SHANK1: variants seen among roughly 807,000 people sequenced by gnomAD.
SHANK1 encodes the protein SH3 and multiple ankyrin repeat domains protein 1.
Under a neutral mutation model 165.6 loss-of-function variants are expected in SHANK1, and 35 were observed. That is an observed-to-expected ratio of 0.21 (90% confidence interval 0.16 to 0.28). The LOEUF (loss-of-function observed/expected upper bound fraction) is 0.28. Among genes scored for constraint, SHANK1 ranks in the 10% least tolerant of loss-of-function variants. The probability of loss-of-function intolerance (pLI) is 1.00; values close to 1 mark genes in which losing one functional copy is unlikely to be tolerated. For synonymous variants in SHANK1, 1,428 were observed against 1,384.8 expected, an observed-to-expected ratio of 1.03 and a Z score of -0.69; for missense variants, 2,681 against 3,036.4, an observed-to-expected ratio of 0.88 and a Z score of 2.75.
Position 50,686,318 on chromosome 19 carries a change from G to C in SHANK1, c.2496C>G (p.Thr832=). 1 of 1,607,260 alleles carries C rather than the reference G, an allele frequency of 6.2e-7. No homozygotes were observed. Among genetic ancestry groups the C allele is most frequent in the Non-Finnish European group, 8.5e-7 (1 of 1,176,422 alleles). Residue 832 remains threonine, a synonymous_variant, in exon 21 of 24, where the codon ACC becomes ACG. Transcript: ENST00000293441. This position sits in a 1 kb window ranked among gnomAD's most constrained non-coding sequence, Gnocchi z 5.7. ...LDEILAAAQQ[T]ISASESPGPG... ...GACCAGGGCTTTCGCTTGCACTGAT[G>C]GTCTGTTGAGCTGCGGCCAGGATTT... is the stretch of plus-strand genomic sequence containing the variant.
In SHANK1 at chr19:50,670,144, A is replaced by G. The variant is rs1252181271; in HGVS notation, c.2675-859T>C. On this transcript the variant is annotated intron_variant, in intron 22 of 23. Coordinates refer to ENST00000293441, the MANE Select transcript of SHANK1 (RefSeq NM_016148.5). The surrounding 1 kb of genome is among the most constrained non-coding windows in gnomAD (Gnocchi z 4.1). ...GGCATCTCAGACTCCAAACGCTCCA[A>G]CCCAAGCTCCTGATCTCCTCACCAA... Among the ~76,000 whole-genome samples the G allele has an allele frequency of 1.3e-5, 2 of 151,804 alleles. No homozygotes were observed. The highest frequency in any genetic ancestry group is 6.6e-5 in the Admixed American group (1 of 15,226).
chr19:50,691,401 C>A (rs1355354159), intron 15 of SHANK1, among the ~76,000 whole-genome samples: 4 of 152,132 alleles, frequency 2.6e-5, no homozygotes, highest in African/African-American at 9.7e-5. Context: ...GGCAACCTCA[C>A]TTTCTTTCAC....
chr19:50,662,551 C>T lies in SHANK1; in HGVS notation c.5900G>A (p.Gly1967Glu). ...GGAGGAGGCTGAGGGTGAGGTGGCC[C>T]CTGGGGCCGCAGCGGCTGTAGGGGA... Reference protein sequence around the residue: ...GVSPTAAAAPGATSPSASSSS... With the variant: ...GVSPTAAAAPEATSPSASSSS... The change falls in exon 24 of 24, where the codon GGG (glycine) becomes GAG (glutamate). Residue 1967 changes from glycine to glutamate, a missense_variant. Physicochemically the swap from Gly to Glu is moderately conservative, Grantham distance 98 (BLOSUM62 -2). This residue lies in a region of SHANK1 where 1,713 missense variants were observed against 1,630.2 expected (regional missense o/e 1.05). Transcript: ENST00000293441. The surrounding 1 kb of genome is among the most constrained non-coding windows in gnomAD (Gnocchi z 7.7). 6.4e-7 allele frequency: 1 copy of T among 1,561,310 alleles called. No individual in the cohort carries two copies. The highest frequency in any genetic ancestry group is 1.2e-5 in the South Asian group (1 of 84,970).
At chr19:50,664,915 C>T (rs1038200501) in intron 23 of SHANK1, among the ~76,000 whole-genome samples, 33 of 152,246 alleles carry the variant, frequency 2.2e-4, no homozygotes, top group African/African-American at 6.3e-4. Context: ...CCACCATGAC[C>T]GGCTAATTTT....
intron 8 of SHANK1, among the ~76,000 whole-genome samples, chr19:50,709,331 C>T (rs1017464168): frequency 3.3e-5 from 5 of 152,060 alleles, no homozygotes; most frequent in Admixed American, 2.0e-4. Context: ...TTAGTAGAGA[C>T]GGGATTTCAG....
Position 50,697,782 on chromosome 19 carries a change from G to A in SHANK1, c.1861+61C>T. 6.6e-7 allele frequency: 1 copy of A among 1,524,546 alleles called. No homozygotes were observed. The highest frequency in any genetic ancestry group is 9.1e-7 in the Non-Finnish European group (1 of 1,100,426). 94.4% of individuals were successfully genotyped at this position (1,524,546 alleles called of 1,614,324 possible). On this transcript the variant is annotated intron_variant, in intron 13 of 23. Transcript: ENST00000293441. This position sits in a 1 kb window ranked among gnomAD's most constrained non-coding sequence, Gnocchi z 4.7. ...CCAGTACCCCACCCCCATTAGGAAG[G>A]GAAAGGAGTGGACGTGGGAATCCTA... is the stretch of plus-strand genomic sequence containing the variant.
Position 50,697,713 on chromosome 19 carries a change from A to G in SHANK1, c.1862-49T>C. 2 of 1,588,070 alleles carry G rather than the reference A, an allele frequency of 1.3e-6. No individual in the cohort carries two copies. Among genetic ancestry groups the G allele is most frequent in the South Asian group, 2.2e-5 (2 of 90,492 alleles). ...TTGGACTCTTGTTTTGGAAACCACA[A>G]TCCCAGCCCTAGAGCTCCTGGCCCA... On this transcript the variant is annotated intron_variant, in intron 13 of 23. Coordinates refer to ENST00000293441, the MANE Select transcript of SHANK1 (RefSeq NM_016148.5). This position sits in a 1 kb window ranked among gnomAD's most constrained non-coding sequence, Gnocchi z 4.7.
At position 50,697,327 on chromosome 19, in the gene SHANK1, C is replaced by T. The variant is rs1402151381; in HGVS notation, c.1938-205G>A. ...CCAGCCAGACATAAGAGCGCCCCGG[C>T]CCCCCCAGGCATCCCCACCCTGCCC... On this transcript the variant is annotated intron_variant, in intron 14 of 23. Coordinates refer to ENST00000293441, the MANE Select transcript of SHANK1 (RefSeq NM_016148.5). This position sits in a 1 kb window ranked among gnomAD's most constrained non-coding sequence, Gnocchi z 4.7. Among the ~76,000 whole-genome samples, 3 of 150,112 alleles carry T rather than the reference C, an allele frequency of 2.0e-5. No individual in the cohort carries two copies. The highest frequency in any genetic ancestry group is 3.0e-5 in the Non-Finnish European group (2 of 67,524).
chr19:50,662,853 C>T lies in SHANK1; in HGVS notation c.5769-171G>A, dbSNP rs1985322770. On this transcript the variant is annotated intron_variant, in intron 23 of 23. Transcript: ENST00000293441. This position sits in a 1 kb window ranked among gnomAD's most constrained non-coding sequence, Gnocchi z 7.7. The stretch of plus-strand genomic sequence containing the variant: ...TGGAGGGAGCAAGGGGTAAGACGGC[C>T]GGCCGTCGAGGAAAGAAATGAAGGG... Among the ~76,000 whole-genome samples the T allele has an allele frequency of 6.6e-6, 1 of 151,108 alleles. No individual in the cohort carries two copies. Among genetic ancestry groups the T allele is most frequent in the Admixed American group, 6.6e-5 (1 of 15,178 alleles).
chr19:50,688,190 G>C lies in SHANK1; in HGVS notation c.2173-132C>G, dbSNP rs538311858. 1.1e-5 allele frequency: 12 copies of C among 1,126,530 alleles called. No homozygotes were observed. Among genetic ancestry groups the C allele is most frequent in the Admixed American group, 2.1e-5 (1 of 47,542 alleles). 69.8% of individuals were successfully genotyped at this position (1,126,530 alleles called of 1,614,324 possible). Reference sequence around the variant, plus strand: ...CTCTGGGCTATGTTCCTCTCCCTCCGACCCTTCATACCACCGCCTCCCTGG... The same window carrying C: ...CTCTGGGCTATGTTCCTCTCCCTCCCACCCTTCATACCACCGCCTCCCTGG... On this transcript the variant is annotated intron_variant, in intron 17 of 23. Coordinates refer to ENST00000293441, the MANE Select transcript of SHANK1 (RefSeq NM_016148.5). The surrounding 1 kb of genome is among the most constrained non-coding windows in gnomAD (Gnocchi z 6.7).
chr19:50,676,382 A>C (rs1227714705), intron 21 of SHANK1, among the ~76,000 whole-genome samples: 1 of 152,066 alleles, frequency 6.6e-6, no homozygotes, highest in Non-Finnish European at 1.5e-5. Flanking sequence ...GAGGTGAAGG[A>C]GGGGGCATAA....
Position 50,704,195 on chromosome 19 carries a change from A to AG in SHANK1, c.1156-10dup. ...CCAGCAATCACTGCCACCTGGAGGG[A>AG]GGGGGTAGAGGCAGGTCGGCCAGGG... On this transcript the variant is annotated splice_polypyrimidine_tract_variant and intron_variant, in intron 9 of 23. Coordinates refer to ENST00000293441, the MANE Select transcript of SHANK1 (RefSeq NM_016148.5). 1 of 1,613,284 alleles carries AG rather than the reference A, an allele frequency of 6.2e-7. No individual in the cohort carries two copies. Among genetic ancestry groups the AG allele is most frequent in the Non-Finnish European group, 8.5e-7 (1 of 1,179,720 alleles).
chr19:50,703,292 T>A (rs1370056885), intron 11 of SHANK1, among the ~76,000 whole-genome samples: 1 of 152,044 alleles, frequency 6.6e-6, no homozygotes, highest in Non-Finnish European at 1.5e-5. Context: ...GCCCCTGTCC[T>A]GGAGCAGACA....
At chr19:50,665,076 A>G (rs1599837388) in intron 23 of SHANK1, among the ~76,000 whole-genome samples, 1 of 152,194 alleles carries the variant, frequency 6.6e-6, no homozygotes, top group Non-Finnish European at 1.5e-5. Context: ...CTTTTTGTTC[A>G]TCATGGGATG....
At position 50,662,607 on chromosome 19, in the gene SHANK1, A is replaced by G. The variant is rs891506916; in HGVS notation, c.5844T>C (p.Pro1948=). 4.5e-6 allele frequency: 7 copies of G among 1,562,772 alleles called. No homozygotes were observed. The highest frequency in any genetic ancestry group is 6.1e-6 in the Non-Finnish European group (7 of 1,154,256). ...SSLFQNWPKP[P]LPPLPTGTGV... ...CTGTTCCGGTGGGGAGTGGCGGCAG[A>G]GGTGGTTTGGGCCAGTTCTGAAACA... The change falls in exon 24 of 24, where the codon CCT becomes CCC. Residue 1948 remains proline, a synonymous_variant. Transcript: ENST00000293441. This position sits in a 1 kb window ranked among gnomAD's most constrained non-coding sequence, Gnocchi z 7.7.
At chr19:50,666,088 C>A in intron 23 of SHANK1, 104 bp downstream of exon 23, 1 of 1,148,534 alleles carries the variant, frequency 8.7e-7, no homozygotes, top group South Asian at 1.8e-5. Context: ...AAACTCCTGC[C>A]AACCTGGTTT....
intron 21 of SHANK1, among the ~76,000 whole-genome samples, chr19:50,673,391 C>A (rs1055792548): frequency 4.6e-5 from 7 of 152,184 alleles, no homozygotes; most frequent in Admixed American, 1.3e-4. Flanking sequence ...CCACCTCTTC[C>A]TTCTCCTCTG....
intron 8 of SHANK1, among the ~76,000 whole-genome samples, chr19:50,709,660 C>T (rs1307329256): frequency 6.6e-6 from 1 of 152,150 alleles, no homozygotes; most frequent in African/African-American, 2.4e-5. Context: ...AGCAATCCTT[C>T]TGCCTCAGCT....
At chr19:50,683,894 G>A (rs1020250549) in intron 21 of SHANK1, among the ~76,000 whole-genome samples, 6 of 152,308 alleles carry the variant, frequency 3.9e-5, no homozygotes, top group Non-Finnish European at 5.9e-5. Context: ...TGTCAACAGC[G>A]CAGATGTTAG....
Sources: gnomAD v4.1 joint callset for allele counts (sites outside exome capture counted in the v4.1 genomes callset) on GRCh38, gnomAD v4.1.1 for gene constraint, gnomAD v4.1.1 regional missense constraint, Gnocchi (gnomAD v3.1) non-coding constraint, MANE v1.5 for transcripts, NCBI Gene and HGNC (gene_info 2026-07-23, HGNC 2026-07-21) for gene names.